The following FAM13A variants were observed in gnomAD, a reference collection of about 807,000 sequenced individuals.
FAM13A encodes the protein family with sequence similarity 13 member A.
A neutral mutation model predicts 129.6 loss-of-function variants in FAM13A; 76 were observed. The ratio of observed to expected loss-of-function variants is 0.59; its 90% confidence interval spans 0.49 to 0.71. The LOEUF is 0.71. Among genes scored for constraint, FAM13A ranks in the 30% least tolerant of loss-of-function variants. The pLI, the probability that FAM13A is intolerant of heterozygous loss-of-function variation, is 0.00. For synonymous variants in FAM13A, 443 were observed against 449.9 expected (o/e 0.98, Z 0.20); for missense variants, 1,108 against 1,249.3 (o/e 0.89, Z 1.70).
At chr4:88,845,884 T>C (rs17014693) in intron 7 of FAM13A, among the ~76,000 whole-genome samples, 12,455 of 152,236 alleles carry the variant, frequency 0.082, 846 homozygotes, top group African/African-American at 0.18. Flanking sequence ...CACTGTCCCA[T>C]GGTAAGATTT....
At chr4:88,857,172 T>G (rs1388233272) in intron 6 of FAM13A, among the ~76,000 whole-genome samples, 2 of 152,228 alleles carry the variant, frequency 1.3e-5, no homozygotes, top group Non-Finnish European at 2.9e-5. Context: ...CTTATCTTTT[T>G]TTGTAATAGT....
chr4:88,968,692 T>C (rs773139045), intron 4 of FAM13A, among the ~76,000 whole-genome samples: 1 of 152,206 alleles, frequency 6.6e-6, no homozygotes, highest in Non-Finnish European at 1.5e-5. Context: ...TTCCTTTTTT[T>C]TTACTTCATG....
intron 6 of FAM13A, among the ~76,000 whole-genome samples, chr4:88,870,859 A>C (rs2150075276): frequency 6.6e-6 from 1 of 152,132 alleles, no homozygotes; most frequent in East Asian, 1.9e-4. Context: ...ACTGGGAGAC[A>C]CCTCCCAGTA....
chr4:88,741,563 T>C (rs1394938076), intron 19 of FAM13A, among the ~76,000 whole-genome samples: 5 of 152,208 alleles, frequency 3.3e-5, no homozygotes, highest in African/African-American at 1.2e-4. Flanking sequence ...GGGTGCTGGT[T>C]ACCTGGGTGT....
At chr4:89,015,004 A>T (rs1766273169) in intron 3 of FAM13A, among the ~76,000 whole-genome samples, 2 of 152,182 alleles carry the variant, frequency 1.3e-5, no homozygotes, top group Admixed American at 6.5e-5. Context: ...AACAGCCCTG[A>T]GAAAGAGAAT....
At chr4:88,970,759 A>G (rs1170658226) in intron 4 of FAM13A, among the ~76,000 whole-genome samples, 1 of 152,224 alleles carries the variant, frequency 6.6e-6, no homozygotes, top group African/African-American at 2.4e-5. Flanking sequence ...AACAAGAGAT[A>G]GCAAACTCTG....
chr4:88,800,463 T>C (rs922489542), intron 8 of FAM13A, among the ~76,000 whole-genome samples: 33 of 152,082 alleles, frequency 2.2e-4, no homozygotes, highest in African/African-American at 7.7e-4. Flanking sequence ...GGTGGGCAGA[T>C]CACTTGAGGT....
intron 1 of FAM13A, among the ~76,000 whole-genome samples, chr4:89,044,373 A>G (rs1319451787): frequency 1.3e-5 from 2 of 152,162 alleles, no homozygotes; most frequent in Non-Finnish European, 2.9e-5. Context: ...CCACAATGAG[A>G]TATCGCTTCA....
At chr4:88,922,024 A>G (rs1751187752) in intron 5 of FAM13A, among the ~76,000 whole-genome samples, 1 of 151,968 alleles carries the variant, frequency 6.6e-6, no homozygotes, top group Non-Finnish European at 1.5e-5. Context: ...ATATGCACCC[A>G]ATACAGGAGC....
intron 7 of FAM13A, among the ~76,000 whole-genome samples, chr4:88,811,600 T>C (rs959323347): frequency 2.5e-4 from 31 of 125,960 alleles, no homozygotes; most frequent in African/African-American, 9.1e-4. Flanking sequence ...AGTTCTTAAG[T>C]GGGGGGTGGG....
In FAM13A at chr4:88,749,898, G is replaced by A. The variant is rs1255292181; in HGVS notation, c.1952C>T (p.Ser651Phe). The A allele has an allele frequency of 6.2e-7, 1 of 1,613,722 alleles. No individual in the cohort carries two copies. The highest frequency in any genetic ancestry group is 1.7e-5 in the Admixed American group (1 of 60,022). Residue 651 changes from serine to phenylalanine, a missense_variant, in exon 16 of 24, where the codon TCC becomes TTC. Physicochemically the swap from Ser to Phe is radical, Grantham distance 155. Around this residue, in one of 3 missense-constraint regions of FAM13A, gnomAD observed 529 missense variants for 621.2 expected, o/e 0.85. Transcript: ENST00000264344. ...NSHSFMRRRS[S>F]SLGSYDDEQE... ...CTCATCATCATAGGACCCCAGAGAG[G>A]AGCTTCGCCGCCTGTGAAGAGTACG...
chr4:89,009,488 CAT>C (rs897527187), intron 3 of FAM13A, among the ~76,000 whole-genome samples: 11 of 152,192 alleles, frequency 7.2e-5, no homozygotes, highest in African/African-American at 2.4e-4. Context: ...CAGATCCACA[CAT>C]GTCTGTGTCT....
intron 3 of FAM13A, among the ~76,000 whole-genome samples, chr4:88,994,532 T>C (rs1490300872): frequency 6.6e-6 from 1 of 152,136 alleles, no homozygotes; most frequent in African/African-American, 2.4e-5. Flanking sequence ...TTCTGACGCT[T>C]GCGAGAAAGA....
chr4:88,782,670 A>G (rs1723179776), intron 10 of FAM13A, among the ~76,000 whole-genome samples: 1 of 152,146 alleles, frequency 6.6e-6, no homozygotes, highest in Non-Finnish European at 1.5e-5. Context: ...TCTTTTTTCT[A>G]CAACTTTAAT....
intron 7 of FAM13A, among the ~76,000 whole-genome samples, chr4:88,818,155 T>C (rs1215155009): frequency 6.6e-6 from 1 of 151,934 alleles, no homozygotes; most frequent in African/African-American, 2.4e-5. Context: ...AGATAATTTT[T>C]TTTTTTGTTT....
chr4:88,835,194 C>G (rs565290615), intron 7 of FAM13A, among the ~76,000 whole-genome samples: 2 of 152,138 alleles, frequency 1.3e-5, no homozygotes, highest in African/African-American at 4.8e-5. Flanking sequence ...TGCCCCCTAT[C>G]GTGCCCTGCT....
At chr4:88,882,552 C>T (rs905937937) in intron 6 of FAM13A, among the ~76,000 whole-genome samples, 3 of 151,506 alleles carry the variant, frequency 2.0e-5, no homozygotes, top group Non-Finnish European at 4.4e-5. Flanking sequence ...AACATAGAAC[C>T]TCCTTAAAGC....
At chr4:88,884,714 G>C (rs1414159136) in intron 6 of FAM13A, among the ~76,000 whole-genome samples, 1 of 152,144 alleles carries the variant, frequency 6.6e-6, no homozygotes, top group Admixed American at 6.6e-5. Context: ...AACTGTCGCT[G>C]TTTGCTGATG....
intron 6 of FAM13A, among the ~76,000 whole-genome samples, chr4:88,863,363 G>C (rs1326950077): frequency 1.3e-5 from 2 of 152,216 alleles, no homozygotes; most frequent in African/African-American, 4.8e-5. Flanking sequence ...GGTGTGCCCA[G>C]AAGGGGCACT....
Sources: gnomAD v4.1 joint callset for allele counts (sites outside exome capture counted in the v4.1 genomes callset) on GRCh38, gnomAD v4.1.1 for gene constraint, gnomAD v4.1.1 regional missense constraint, MANE v1.5 for transcripts, NCBI Gene and HGNC (gene_info 2026-07-23, HGNC 2026-07-21) for gene names.